Variants in PARP10 observed in about 807,000 individuals in gnomAD.
The protein encoded by PARP10 is poly(ADP-ribose) polymerase family member 10.
A neutral mutation model predicts 82.4 loss-of-function variants in PARP10; 56 were observed. The ratio of observed to expected loss-of-function variants is 0.68; its 90% confidence interval spans 0.55 to 0.85. The LOEUF is 0.85. Ranked by LOEUF, PARP10 falls within the 40% of genes least tolerant of loss-of-function variation. The pLI is 0.00. For synonymous variants in PARP10, 576 were observed against 601.1 expected, an observed-to-expected ratio of 0.96 and a Z score of 0.61; for missense variants, 1,227 against 1,379.4, an observed-to-expected ratio of 0.89 and a Z score of 1.75.
At chr8:143,980,393 T>C (rs1833824481) in intron 9 of PARP10, among the ~76,000 whole-genome samples, 1 of 131,876 alleles carries the variant, frequency 7.6e-6, no homozygotes, top group Non-Finnish European at 1.6e-5. Flanking sequence ...GGTGTGGTGG[T>C]GTGTGCCTGT....
chr8:143,992,358 C>T, upstream of PARP10: 1 of 1,599,334 alleles, frequency 6.3e-7, no homozygotes. Flanking sequence ...TCACCGTCGT[C>T]ATCTTCTCCA....
At chr8:143,986,730 C>T, upstream of PARP10, 1 of 395,194 alleles carries the variant, frequency 2.5e-6, no homozygotes. Flanking sequence ...TGAAAATGGC[C>T]AATCACCCGC....
upstream of PARP10, chr8:143,992,896 C>G: frequency 6.5e-7 from 1 of 1,534,966 alleles, no homozygotes; most frequent in Non-Finnish European, 8.9e-7. Context: ...TGGACCCTGC[C>G]CCTGGCACGG....
chr8:143,986,085 C>T lies in PARP10; in HGVS notation c.151G>A (p.Gly51Arg). Residue 51 changes from glycine (G) to arginine (R), a missense_variant, in exon 2 of 11, where the codon GGG becomes AGG. Gly to Arg is a moderately radical substitution (Grantham distance 125, BLOSUM62 -2). Transcript: ENST00000313028. The part of the protein sequence containing the change: ...PVLSWQRLGC[G>R]GVLTFREPAD... ...GGCTCTCTGAAGGTGAGGACGCCCCCACAGCCCAGTCTCTGCCAGCTCAAC... is the reference window on the plus strand; with the variant it reads ...GGCTCTCTGAAGGTGAGGACGCCCCTACAGCCCAGTCTCTGCCAGCTCAAC... The T allele has an allele frequency of 6.2e-7, 1 of 1,614,068 alleles. No individual in the cohort carries two copies. The highest frequency in any genetic ancestry group is 8.5e-7 in the Non-Finnish European group (1 of 1,179,998).
rs781860147 is a variant in PARP10 at position 143,977,522 on chromosome 8, C to G, written c.3040G>C (p.Asp1014His). Residue 1014 changes from aspartate to histidine, a missense_variant, in exon 11 of 11, where the codon GAC becomes CAC. Physicochemically the swap from Asp to His is moderately conservative, Grantham distance 81 (BLOSUM62 -1). Coordinates refer to ENST00000313028, the MANE Select transcript of PARP10 (RefSeq NM_032789.5). ...CEHVPRASPD[D>H]PSGLPGRSPD... ...GAGCGGCCCGGGAGCCCAGAGGGGTCGTCGGGGGAAGCGCGGGGCACGTGC... is the reference window on the plus strand; with the variant it reads ...GAGCGGCCCGGGAGCCCAGAGGGGTGGTCGGGGGAAGCGCGGGGCACGTGC... 3.8e-6 allele frequency: 6 copies of G among 1,559,254 alleles called. No individual in the cohort carries two copies. The South Asian group carries it at 4.7e-5, about 12-fold the overall frequency.
upstream of PARP10, chr8:143,993,061 A>G (rs868912887): frequency 3.6e-6 from 2 of 548,144 alleles, no homozygotes; most frequent in Non-Finnish European, 6.5e-6. Flanking sequence ...GCCCCCGCCA[A>G]GGGGCACCAA....
chr8:143,984,077 G>A lies in PARP10; in HGVS notation c.1708C>T (p.Leu570Phe), dbSNP rs200821571. The A allele has an allele frequency of 2.6e-5, 40 of 1,550,860 alleles. No homozygotes were observed. In the African/African-American group the frequency reaches 3.4e-4, roughly 13 times the overall value. ...CACAGGGTGTGGGCGTTGCCAGGGAGCACTGGGAGGGCCTCGGTAGGGTCC... is the reference window on the plus strand; with the variant it reads ...CACAGGGTGTGGGCGTTGCCAGGGAACACTGGGAGGGCCTCGGTAGGGTCC... The part of the protein sequence containing the change: ...EVDPTEALPV[L>F]PGNAHTLWTP... Residue 570 changes from leucine (L) to phenylalanine (F), a missense_variant, in exon 7 of 11, where the codon CTC (leucine) becomes TTC (phenylalanine). Coordinates refer to ENST00000313028, the MANE Select transcript of PARP10 (RefSeq NM_032789.5).
At position 143,977,516 on chromosome 8, in the gene PARP10, A is replaced by AG. The variant is rs782214499; in HGVS notation, c.3045dup (p.Ser1016LeufsTer108). 14 of 1,557,846 alleles carry AG rather than the reference A, an allele frequency of 9.0e-6. No homozygotes were observed. The highest frequency in any genetic ancestry group is 1.2e-5 in the Non-Finnish European group (14 of 1,151,184). On this transcript the variant is annotated frameshift_variant, in exon 11 of 11. Transcript: ENST00000313028. LOFTEE classifies it low-confidence loss of function (END_TRUNC). The stretch of plus-strand genomic sequence containing the variant: ...TCTGGGGAGCGGCCCGGGAGCCCAG[A>AG]GGGGTCGTCGGGGGAAGCGCGGGGC...
At chr8:143,992,553 G>A (rs973009016), upstream of PARP10, 12 of 1,614,054 alleles carry the variant, frequency 7.4e-6, no homozygotes, top group East Asian at 1.8e-4. Context: ...ATCTTCATCC[G>A]GAACCGCATC....
In PARP10 at chr8:144,008,433, T is replaced by G. The variant is rs1319237789; in HGVS notation, c.-80+4097A>C. Among the ~76,000 whole-genome samples, 1 of 152,122 alleles carries G rather than the reference T, an allele frequency of 6.6e-6. No homozygotes were observed. The highest frequency in any genetic ancestry group is 1.5e-5 in the Non-Finnish European group (1 of 68,018). On this transcript the variant is annotated intron_variant, in intron 1 of 3. Coordinates refer to the PARP10 transcript ENST00000530478. This position sits in a 1 kb window ranked among gnomAD's most constrained non-coding sequence, Gnocchi z 4.0. ...CTGAGCGGAATCAAATGAGGCAAATTTGAATGGGGACAAACTGTGCAAAAG... is the reference window on the plus strand; with the variant it reads ...CTGAGCGGAATCAAATGAGGCAAATGTGAATGGGGACAAACTGTGCAAAAG...
chr8:144,003,871 A>G (rs998002896), intron 1 of PARP10, among the ~76,000 whole-genome samples: 3 of 151,928 alleles, frequency 2.0e-5, no homozygotes, highest in Non-Finnish European at 4.4e-5. Flanking sequence ...ACAAAAAAAA[A>G]AAAATTTTTT....
chr8:143,994,314 C>G (rs1554751068), upstream of PARP10, among the ~76,000 whole-genome samples: 1 of 119,632 alleles, frequency 8.4e-6, no homozygotes, highest in Non-Finnish European at 1.8e-5. Context: ...TATCTCCAGG[C>G]CAGAGCAGGG....
upstream of PARP10, chr8:143,990,090 C>G (rs1381238092): frequency 6.6e-6 from 1 of 151,280 alleles, no homozygotes; most frequent in Non-Finnish European, 1.5e-5. The surrounding 1 kb of genome is among the most constrained non-coding windows in gnomAD (Gnocchi z 5.6). Flanking sequence ...GCCGCAGGCG[C>G]AGGCCCAGCT....
intron 1 of PARP10, among the ~76,000 whole-genome samples, chr8:144,006,957 T>A (rs1554752115): frequency 6.6e-6 from 1 of 152,192 alleles, no homozygotes; most frequent in Non-Finnish European, 1.5e-5. Context: ...AGCCTTCGTG[T>A]CCACCTGCTC....
Position 143,977,643 on chromosome 8 carries a change from C to T in PARP10, c.2919G>A (p.Leu973=), listed in dbSNP as rs149055607. 1.4e-5 allele frequency: 23 copies of T among 1,593,578 alleles called. No individual in the cohort carries two copies. The highest frequency in any genetic ancestry group is 2.7e-5 in the African/African-American group (2 of 74,452). ...TGCAGTCCACGGCGCTGTCGTAGCG[C>T]AGGAGCACGTGGCCAGGACCCCGCA... ...PPLRGPGHVL[L]RYDSAVDCIC... Residue 973 remains leucine (L), a synonymous_variant, in exon 11 of 11, where the codon CTG becomes CTA. Transcript: ENST00000313028.
upstream of PARP10, among the ~76,000 whole-genome samples, chr8:143,996,135 C>T (rs1436312994): frequency 1.3e-5 from 2 of 152,226 alleles, no homozygotes; most frequent in African/African-American, 2.4e-5. Flanking sequence ...CGCTCCCCCA[C>T]GATGAGCAGC....
At chr8:144,007,775 C>A (rs546346089) in intron 1 of PARP10, among the ~76,000 whole-genome samples, 1 of 152,268 alleles carries the variant, frequency 6.6e-6, no homozygotes, top group African/African-American at 2.4e-5. Flanking sequence ...CTGCCGGCAC[C>A]AAGCCCTGAC....
intron 1 of PARP10, among the ~76,000 whole-genome samples, chr8:144,001,066 A>T (rs1473382397): frequency 4.0e-5 from 6 of 151,778 alleles, no homozygotes; most frequent in South Asian, 4.2e-4. Flanking sequence ...GGCGCCTGCC[A>T]CCACGCCTGG....
upstream of PARP10, among the ~76,000 whole-genome samples, chr8:143,994,703 G>A (rs1212067141): frequency 6.6e-6 from 1 of 152,130 alleles, no homozygotes; most frequent in East Asian, 1.9e-4. Flanking sequence ...GGCACCTCCT[G>A]GAGTCCACCT....
Sources: gnomAD v4.1 joint callset for allele counts (sites outside exome capture counted in the v4.1 genomes callset) on GRCh38, gnomAD v4.1.1 for gene constraint, Gnocchi (gnomAD v3.1) non-coding constraint, MANE v1.5 for transcripts, NCBI Gene and HGNC (gene_info 2026-07-23, HGNC 2026-07-21) for gene names.